Variants in ELMO1 observed in about 807,000 individuals in gnomAD.
ELMO1 encodes engulfment and cell motility 1, also known as engulfment and cell motility protein 1.
In ELMO1, 26 loss-of-function variants were observed where a neutral mutation model predicts 98.9. The observed-to-expected ratio is 0.26, with a 90% CI of 0.19 to 0.36. ELMO1 has a LOEUF of 0.36. Ranked by LOEUF, ELMO1 falls within the 10% of genes least tolerant of loss-of-function variation. ELMO1 has a pLI of 1.00. For missense variants in ELMO1, 627 were observed against 935.2 expected (o/e 0.67, Z 4.30); for synonymous variants, 346 against 346.0 (o/e 1.00, Z 0.00).
chr7:37,233,832 A>T (rs1385482173), intron 7 of ELMO1, among the ~76,000 whole-genome samples: 8 of 152,222 alleles, frequency 5.3e-5, no homozygotes, highest in Admixed American at 5.2e-4. Flanking sequence ...TTTAGTTAGT[A>T]ACTTTTCTGG....
At chr7:37,307,724 G>A (rs920694448) in intron 4 of ELMO1, among the ~76,000 whole-genome samples, 19 of 152,122 alleles carry the variant, frequency 1.2e-4, no homozygotes, top group African/African-American at 4.6e-4. Flanking sequence ...TAAGCTCTTC[G>A]AAGGCAGACA....
chr7:37,098,131 A>C (rs1427420244), intron 14 of ELMO1, among the ~76,000 whole-genome samples: 1 of 152,212 alleles, frequency 6.6e-6, no homozygotes, highest in Non-Finnish European at 1.5e-5. Context: ...TTGAATGATC[A>C]TCTCTCAGTA....
rs1793202888 is a variant in ELMO1, at chr7:37,215,043, T to C, written c.832-1586A>G. ...CCAATATAAAGAAGGACAGTAATTA[T>C]GAATACTTCTGCACTTCCAAAACCA... On this transcript the variant is annotated intron_variant, in intron 11 of 21. Coordinates refer to ENST00000310758, the MANE Select transcript of ELMO1 (RefSeq NM_014800.11). Among the ~76,000 whole-genome samples, 3 of 152,258 alleles carry C rather than the reference T, an allele frequency of 2.0e-5. No homozygotes were observed. The South Asian group carries it at 6.2e-4, about 32-fold the overall frequency.
intron 16 of ELMO1, among the ~76,000 whole-genome samples, chr7:36,934,427 C>T (rs532227911): frequency 2.0e-5 from 3 of 152,302 alleles, no homozygotes; most frequent in South Asian, 2.1e-4. Flanking sequence ...TCCCCTCTCC[C>T]GGCACATAGC....
chr7:37,245,138 C>T (rs1436880502), intron 6 of ELMO1, among the ~76,000 whole-genome samples: 6 of 152,144 alleles, frequency 3.9e-5, no homozygotes, highest in Admixed American at 3.3e-4. Flanking sequence ...AAGTCCTACC[C>T]CCAAACTCAT....
At chr7:37,152,462 T>C (rs959377388) in intron 13 of ELMO1, among the ~76,000 whole-genome samples, 1 of 145,198 alleles carries the variant, frequency 6.9e-6, no homozygotes, top group Non-Finnish European at 1.5e-5. Flanking sequence ...TTTTTTTTTA[T>C]GTTTTTCAAA....
At chr7:37,242,479 C>T (rs1291158333) in intron 7 of ELMO1, among the ~76,000 whole-genome samples, 3 of 152,092 alleles carry the variant, frequency 2.0e-5, no homozygotes, top group Admixed American at 6.6e-5. Flanking sequence ...AACTATAGGT[C>T]GTCTTTTCCT....
At chr7:37,447,746 ACACG>A (rs1805696594) in intron 1 of ELMO1, among the ~76,000 whole-genome samples, 1 of 120,316 alleles carries the variant, frequency 8.3e-6, no homozygotes, top group Admixed American at 8.0e-5. Context: ...ACACACACAC[ACACG>A]CCGCCTCGCG....
At chr7:36,902,955 T>G (rs1164327937) in intron 16 of ELMO1, among the ~76,000 whole-genome samples, 1 of 152,188 alleles carries the variant, frequency 6.6e-6, no homozygotes, top group African/African-American at 2.4e-5. Context: ...CTGTGCCCCT[T>G]CCAGCTCCTC....
chr7:36,886,134 C>T (rs1395114340), intron 18 of ELMO1, among the ~76,000 whole-genome samples: 2 of 152,204 alleles, frequency 1.3e-5, no homozygotes, highest in Non-Finnish European at 2.9e-5. Flanking sequence ...AGGGCATGAA[C>T]TCATTCTTCA....
intron 16 of ELMO1, among the ~76,000 whole-genome samples, chr7:36,983,747 C>G (rs1330220019): frequency 6.6e-6 from 1 of 152,144 alleles, no homozygotes; most frequent in African/African-American, 2.4e-5. Flanking sequence ...GCGGACCCAT[C>G]TGAAAAGAAG....
intron 16 of ELMO1, among the ~76,000 whole-genome samples, chr7:36,953,851 GTGTGTGTGT>G: frequency 2.3e-5 from 1 of 44,216 alleles, no homozygotes; most frequent in South Asian, 1.1e-3. Context: ...GTGTGTGTGT[GTGTGTGTGT>G]GTGTGTGTGT....
At chr7:37,248,298 AACCTCTC>A (rs1795129674) in intron 6 of ELMO1, among the ~76,000 whole-genome samples, 1 of 152,200 alleles carries the variant, frequency 6.6e-6, no homozygotes, top group African/African-American at 2.4e-5. Context: ...AGTGGCCAGA[AACCTCTC>A]ACCTCAGCCC....
intron 20 of ELMO1, among the ~76,000 whole-genome samples, chr7:36,869,293 A>T (rs1803320481): frequency 6.6e-6 from 1 of 152,222 alleles, no homozygotes; most frequent in Admixed American, 6.5e-5. Context: ...TTAAGAAGGA[A>T]AGATCTTACA....
chr7:36,997,560 TC>T (rs1792312742), intron 16 of ELMO1, among the ~76,000 whole-genome samples: 1 of 152,116 alleles, frequency 6.6e-6, no homozygotes, highest in African/African-American at 2.4e-5. Context: ...GATTGTGGTG[TC>T]ACTCCTGGAG....
At chr7:37,080,834 G>A (rs1797832370) in intron 15 of ELMO1, among the ~76,000 whole-genome samples, 3 of 151,724 alleles carry the variant, frequency 2.0e-5, no homozygotes, top group Admixed American at 6.6e-5. Flanking sequence ...CTTTCTCATG[G>A]CAAACACTCC....
At chr7:37,387,252 A>G (rs374624339) in intron 1 of ELMO1, among the ~76,000 whole-genome samples, 1 of 152,376 alleles carries the variant, frequency 6.6e-6, no homozygotes. Context: ...TTAACAAAGC[A>G]TCACTAACTG....
intron 6 of ELMO1, among the ~76,000 whole-genome samples, chr7:37,245,090 C>T (rs1169697100): frequency 6.6e-6 from 1 of 151,586 alleles, no homozygotes. Context: ...GATCTTCCCT[C>T]TTTATGAAAC....
intron 15 of ELMO1, among the ~76,000 whole-genome samples, chr7:37,086,759 A>AAAAAAAG (rs1562991642): frequency 3.1e-5 from 4 of 127,892 alleles, no homozygotes; most frequent in African/African-American, 1.2e-4. Context: ...AAAAAAAAAA[A>AAAAAAAG]AAAAAAGAAA....
Sources: gnomAD v4.1 joint callset for allele counts (sites outside exome capture counted in the v4.1 genomes callset) on GRCh38, gnomAD v4.1.1 for gene constraint, MANE v1.5 for transcripts, NCBI Gene and HGNC (gene_info 2026-07-23, HGNC 2026-07-21) for gene names.